The following NRG3 variants were observed in gnomAD, a reference collection of about 807,000 sequenced individuals.
NRG3 encodes the protein neuregulin 3, also known as pro-neuregulin-3, membrane-bound isoform.
Under a neutral mutation model 66.9 loss-of-function variants are expected in NRG3, and 31 were observed. The observed-to-expected ratio is 0.46, with a 90% confidence interval of 0.35 to 0.63. NRG3 has a LOEUF of 0.63. Among genes scored for constraint, NRG3 ranks in the 20% least tolerant of loss-of-function variants. The probability of loss-of-function intolerance (pLI) is 0.00; values close to 1 mark genes in which losing one functional copy is unlikely to be tolerated. For missense variants in NRG3, 910 were observed against 878.9 expected (o/e 1.04, Z -0.45); for synonymous variants, 393 against 359.4 (o/e 1.09, Z -1.06).
intron 1 of NRG3, among the ~76,000 whole-genome samples, chr10:81,954,942 A>G (rs1185865892): frequency 1.3e-5 from 2 of 151,946 alleles, no homozygotes; most frequent in African/African-American, 2.4e-5. Context: ...CATGTTATTT[A>G]TGTCAGGATT....
chr10:82,245,888 G>A (rs1014499845), intron 1 of NRG3, among the ~76,000 whole-genome samples: 4 of 150,632 alleles, frequency 2.7e-5, no homozygotes, highest in South Asian at 2.1e-4. Flanking sequence ...TCTTGGGTAC[G>A]TTAGAATACA....
chr10:82,811,178 A>T (rs1051849592), intron 3 of NRG3, among the ~76,000 whole-genome samples: 1 of 152,182 alleles, frequency 6.6e-6, no homozygotes, highest in African/African-American at 2.4e-5. Flanking sequence ...CTTTACCATG[A>T]TATGTATTGC....
At chr10:82,310,945 G>A (rs1366619228) in intron 1 of NRG3, among the ~76,000 whole-genome samples, 2 of 152,160 alleles carry the variant, frequency 1.3e-5, no homozygotes, top group Non-Finnish European at 2.9e-5. Flanking sequence ...TTTATGTGTT[G>A]CTTACTCTAA....
intron 1 of NRG3, among the ~76,000 whole-genome samples, chr10:82,054,982 A>G (rs2133173299): frequency 6.6e-6 from 1 of 152,142 alleles, no homozygotes; most frequent in South Asian, 2.1e-4. Context: ...AGCACACTCT[A>G]GCCTGGGTGA....
intron 2 of NRG3, among the ~76,000 whole-genome samples, chr10:82,593,556 G>A (rs867509852): frequency 3.1e-5 from 3 of 97,086 alleles, no homozygotes; most frequent in Admixed American, 1.0e-4. Context: ...AACATTTCTC[G>A]GCTCATTTTT....
intron 1 of NRG3, among the ~76,000 whole-genome samples, chr10:82,297,271 A>T (rs909717268): frequency 6.7e-6 from 1 of 149,744 alleles, no homozygotes. Flanking sequence ...TTGATAAAAC[A>T]TTTTTTTTTT....
chr10:82,283,875 A>G (rs1312792689), intron 1 of NRG3, among the ~76,000 whole-genome samples: 3 of 152,176 alleles, frequency 2.0e-5, no homozygotes, highest in Non-Finnish European at 4.4e-5. Context: ...AACATGCCAC[A>G]TTTCAGGAAA....
rs774898253 is a variant in NRG3 at position 81,945,357 on chromosome 10, C to A, written c.823+69194C>A. Among the ~76,000 whole-genome samples the A allele has an allele frequency of 2.0e-5, 3 of 151,860 alleles. No homozygotes were observed. The East Asian group carries it at 5.8e-4, about 29-fold the overall frequency. On this transcript the variant is annotated intron_variant, in intron 1 of 8. Coordinates refer to ENST00000372141, the MANE Select transcript of NRG3 (RefSeq NM_001010848.4). ...CCTCCTCCTTCTAAGTCTTCCCCTG[C>A]GCTAGGCTGTAGCTCACTGTTAATG... is the stretch of plus-strand genomic sequence containing the variant.
intron 1 of NRG3, among the ~76,000 whole-genome samples, chr10:82,016,103 A>G (rs1017327312): frequency 6.6e-6 from 1 of 151,690 alleles, no homozygotes; most frequent in African/African-American, 2.4e-5. Flanking sequence ...TAATATATTA[A>G]TTTTGCTTGG....
Position 82,412,811 on chromosome 10 carries a change from C to T in NRG3, c.953+53943C>T, listed in dbSNP as rs568377998. Among the ~76,000 whole-genome samples the T allele has an allele frequency of 2.8e-4, 42 of 152,240 alleles. 1 individual carries two copies. The South Asian group carries it at 8.7e-3, about 32-fold the overall frequency. ...ACTTCAACAATGTTCACAGCATCTT[C>T]AACAGGTGTAGATTTCATCTAACAA... On this transcript the variant is annotated intron_variant, in intron 2 of 8. Transcript: ENST00000372141.
chr10:82,949,641 G>A (rs1290443720), intron 4 of NRG3, among the ~76,000 whole-genome samples: 1 of 152,066 alleles, frequency 6.6e-6, no homozygotes, highest in Non-Finnish European at 1.5e-5. Flanking sequence ...GATCAGCTGA[G>A]GTCAGGAGTT....
chr10:82,777,116 C>T (rs2059939572), intron 3 of NRG3, among the ~76,000 whole-genome samples: 2 of 152,134 alleles, frequency 1.3e-5, no homozygotes, highest in African/African-American at 4.8e-5. Flanking sequence ...GTCATTTGGA[C>T]AGGGTCCATT....
chr10:82,617,041 G>GT (rs1478085214), intron 2 of NRG3, among the ~76,000 whole-genome samples: 1 of 152,174 alleles, frequency 6.6e-6, no homozygotes. Flanking sequence ...GATAGTCCTT[G>GT]TTTTTTCTGA....
intron 2 of NRG3, among the ~76,000 whole-genome samples, chr10:82,661,984 T>C (rs1000295375): frequency 6.6e-6 from 1 of 152,142 alleles, no homozygotes; most frequent in African/African-American, 2.4e-5. Context: ...CTAGTTCTCA[T>C]GGAGGGTTTT....
intron 2 of NRG3, among the ~76,000 whole-genome samples, chr10:82,632,514 G>A (rs1462924384): frequency 6.6e-6 from 1 of 151,834 alleles, no homozygotes; most frequent in Non-Finnish European, 1.5e-5. Flanking sequence ...TCAATTTTAG[G>A]GACTTTCTAT....
rs1323835486 is a variant in NRG3, at chr10:81,914,770, A to G, written c.823+38607A>G. On this transcript the variant is annotated intron_variant, in intron 1 of 8. Coordinates refer to ENST00000372141, the MANE Select transcript of NRG3 (RefSeq NM_001010848.4). ...TAGCCTGTCTTTAAAAACAGAAAGC[A>G]AAAAAAAAAAAAAAAAAAAGAAAGA... Among the ~76,000 whole-genome samples the G allele has an allele frequency of 5.9e-5, 4 of 67,462 alleles. No homozygotes were observed. The South Asian group carries it at 2.1e-3, about 35-fold the overall frequency. 44.3% of individuals were successfully genotyped at this position (67,462 alleles called of 152,430 possible).
chr10:82,445,890 T>G (rs1200851424), intron 2 of NRG3, among the ~76,000 whole-genome samples: 1 of 152,198 alleles, frequency 6.6e-6, no homozygotes, highest in East Asian at 1.9e-4. Flanking sequence ...ATTCTTAGCT[T>G]TACATTCAGG....
intron 1 of NRG3, among the ~76,000 whole-genome samples, chr10:82,033,256 G>A (rs780888478): frequency 6.6e-6 from 1 of 152,126 alleles, no homozygotes; most frequent in Non-Finnish European, 1.5e-5. Context: ...CTCAATGCAA[G>A]GTTGGAATGA....
At chr10:82,697,206 C>T (rs1273535152) in intron 2 of NRG3, among the ~76,000 whole-genome samples, 1 of 152,118 alleles carries the variant, frequency 6.6e-6, no homozygotes, top group East Asian at 1.9e-4. Flanking sequence ...ATTCAATTGG[C>T]ATAAAATGAC....
Sources: gnomAD v4.1 joint callset for allele counts (sites outside exome capture counted in the v4.1 genomes callset) on GRCh38, gnomAD v4.1.1 for gene constraint, MANE v1.5 for transcripts, NCBI Gene and HGNC (gene_info 2026-07-23, HGNC 2026-07-21) for gene names.